PPM1L: variants seen among roughly 807,000 people sequenced by gnomAD.
The protein encoded by PPM1L is protein phosphatase 1L.
In PPM1L, 13 loss-of-function variants were observed where a neutral mutation model predicts 31.4. The observed-to-expected ratio is 0.41, with a 90% CI of 0.27 to 0.66. The LOEUF is 0.66. PPM1L is among the 30% of genes least tolerant of loss of function. The pLI, the probability that PPM1L is intolerant of heterozygous loss-of-function variation, is 0.29. For missense variants in PPM1L, 326 were observed against 453.7 expected (o/e 0.72, Z 2.56); for synonymous variants, 184 against 175.4 (o/e 1.05, Z -0.39).
At chr3:161,059,244 A>G (rs1202866017) in intron 2 of PPM1L, among the ~76,000 whole-genome samples, 22 of 152,138 alleles carry the variant, frequency 1.4e-4, no homozygotes, top group Non-Finnish European at 1.5e-5. Flanking sequence ...TGGAAGCCCT[A>G]CCCATATGTT....
At chr3:160,944,821 T>C (rs1158675607) in intron 1 of PPM1L, among the ~76,000 whole-genome samples, 3 of 54,792 alleles carry the variant, frequency 5.5e-5, no homozygotes, top group African/African-American at 1.7e-4. Flanking sequence ...CATATATATG[T>C]TATATATAAC....
At chr3:161,002,233 A>T (rs1371611415) in intron 2 of PPM1L, among the ~76,000 whole-genome samples, 5 of 152,142 alleles carry the variant, frequency 3.3e-5, no homozygotes, top group African/African-American at 1.2e-4. Flanking sequence ...AATCCAGTCT[A>T]TCATTGTTGG....
At position 160,957,398 on chromosome 3, in the gene PPM1L, T is replaced by C. The variant is rs1403215724; in HGVS notation, c.400-4338T>C. On this transcript the variant is annotated intron_variant, in intron 1 of 3. Coordinates refer to ENST00000498165, the MANE Select transcript of PPM1L (RefSeq NM_139245.4). ...TGTGTCTTTATAATAAAATGATTTC[T>C]ATTCCTTTGGGTATATACCCAGTAA... Among the ~76,000 whole-genome samples the C allele has an allele frequency of 3.3e-5, 5 of 152,332 alleles. No individual in the cohort carries two copies. The East Asian group carries it at 9.6e-4, about 29-fold the overall frequency.
intron 2 of PPM1L, among the ~76,000 whole-genome samples, chr3:161,040,887 C>T (rs1433837524): frequency 1.3e-5 from 2 of 152,084 alleles, no homozygotes; most frequent in Non-Finnish European, 2.9e-5. Context: ...GTTTATTTGC[C>T]GTATCTTGAA....
At chr3:160,991,562 T>G (rs546285175) in intron 2 of PPM1L, among the ~76,000 whole-genome samples, 8 of 152,288 alleles carry the variant, frequency 5.3e-5, no homozygotes, top group Admixed American at 3.3e-4. Flanking sequence ...TGTAACTACT[T>G]GATGAAATTT....
At chr3:160,889,197 A>G (rs1576692673) in intron 1 of PPM1L, among the ~76,000 whole-genome samples, 2 of 152,188 alleles carry the variant, frequency 1.3e-5, no homozygotes, top group African/African-American at 2.4e-5. Flanking sequence ...TTCTCCAAAA[A>G]TAATCAATGA....
intron 1 of PPM1L, among the ~76,000 whole-genome samples, chr3:160,929,883 C>A (rs747125843): frequency 6.6e-6 from 1 of 152,206 alleles, no homozygotes; most frequent in Non-Finnish European, 1.5e-5. Context: ...ACCTCTCCTT[C>A]AGCTTCTGCT....
intron 1 of PPM1L, among the ~76,000 whole-genome samples, chr3:160,799,501 T>G (rs1485169498): frequency 2.6e-5 from 4 of 152,236 alleles, no homozygotes; most frequent in Non-Finnish European, 5.9e-5. Context: ...TTATTAGACA[T>G]AATGCTATTG....
chr3:160,876,476 A>G (rs1354863069), intron 1 of PPM1L, among the ~76,000 whole-genome samples: 2 of 152,326 alleles, frequency 1.3e-5, no homozygotes, highest in Admixed American at 1.3e-4. Context: ...CTTCATCAGC[A>G]TAGATAATTT....
At chr3:161,016,488 A>C (rs1485807331) in intron 2 of PPM1L, among the ~76,000 whole-genome samples, 2 of 152,208 alleles carry the variant, frequency 1.3e-5, no homozygotes, top group East Asian at 3.9e-4. Context: ...TGAAGAAGGA[A>C]CAGGTTGAAG....
In PPM1L at chr3:160,756,441, G is replaced by A. The variant is rs766926661; in HGVS notation, c.133G>A (p.Val45Met). 4 of 1,614,228 alleles carry A rather than the reference G, an allele frequency of 2.5e-6. No homozygotes were observed. The highest frequency in any genetic ancestry group is 4.5e-5 in the East Asian group (2 of 44,886). Residue 45 changes from valine (V) to methionine (M), a missense_variant, in exon 1 of 4, where the codon GTG becomes ATG. Physicochemically the swap from Val to Met is conservative, Grantham distance 21. Transcript: ENST00000498165. This position sits in a 1 kb window ranked among gnomAD's most constrained non-coding sequence, Gnocchi z 6.2. ...GAGTTACTTCTTCCACACCGACGAG[G>A]TGAAGACCATCGTGAAGTCCAGCCG... ...LWSYFFHTDE[V>M]KTIVKSSRDA... is the part of the protein sequence containing the mutation.
intron 1 of PPM1L, among the ~76,000 whole-genome samples, chr3:160,890,556 A>G (rs1560140552): frequency 6.6e-6 from 1 of 152,234 alleles, no homozygotes; most frequent in African/African-American, 2.4e-5. Context: ...TAGTGCCCAA[A>G]GTAATTCATA....
In PPM1L at chr3:161,073,570, C is replaced by CT. The variant is rs368832483; in HGVS notation, c.*4424dup. 0.054 allele frequency: 7,868 copies of CT among 146,682 alleles called. 267 individuals carry two copies. The highest frequency in any genetic ancestry group is 0.12 in the South Asian group (550 of 4,576). 9.1% of individuals were successfully genotyped at this position (146,682 alleles called of 1,614,324 possible). Reference sequence around the variant, plus strand: ...TTAAAGCTCTAAACATCATCCCCCCCTTTTTTTTTTTAACGGAATCTCGCT... The same window carrying CT: ...TTAAAGCTCTAAACATCATCCCCCCCTTTTTTTTTTTTAACGGAATCTCGCT... On this transcript the variant is annotated 3_prime_UTR_variant, in exon 4 of 4. Transcript: ENST00000498165.
rs538958429 is a variant in PPM1L at position 161,069,962 on chromosome 3, G to A, written c.*805G>A. 6.6e-6 allele frequency: 1 copy of A among 152,030 alleles called. No homozygotes were observed. The highest frequency in any genetic ancestry group is 6.6e-5 in the Admixed American group (1 of 15,254). 9.4% of individuals were successfully genotyped at this position (152,030 alleles called of 1,614,324 possible). A position where few individuals can be genotyped will look rare whatever the true frequency, so the allele number is the denominator to read the frequency against. On this transcript the variant is annotated 3_prime_UTR_variant, in exon 4 of 4. Coordinates refer to ENST00000498165, the MANE Select transcript of PPM1L (RefSeq NM_139245.4). Reference sequence around the variant, plus strand: ...CAGATACCCTGATTTTTCATCTTACGTGACCAAGAAACCACGTTAGGGGAA... The same window carrying A: ...CAGATACCCTGATTTTTCATCTTACATGACCAAGAAACCACGTTAGGGGAA...
intron 1 of PPM1L, among the ~76,000 whole-genome samples, chr3:160,813,840 T>G (rs4390979): frequency 0.091 from 13,897 of 152,102 alleles, 954 homozygotes; most frequent in African/African-American, 0.19. Context: ...AGAAGTGAAG[T>G]TGGTACATTT....
intron 1 of PPM1L, among the ~76,000 whole-genome samples, chr3:160,948,631 A>G (rs933340750): frequency 2.0e-5 from 3 of 152,178 alleles, no homozygotes; most frequent in Non-Finnish European, 4.4e-5. Flanking sequence ...CCCTTGCATT[A>G]GAAGTACACA....
At chr3:160,887,613 C>T (rs1712962143) in intron 1 of PPM1L, among the ~76,000 whole-genome samples, 1 of 148,448 alleles carries the variant, frequency 6.7e-6, no homozygotes, top group South Asian at 2.1e-4. Context: ...TGGAGTCTCG[C>T]TCTGTCACCC....
intron 1 of PPM1L, among the ~76,000 whole-genome samples, chr3:160,810,114 C>T (rs1712765448): frequency 6.6e-6 from 1 of 151,810 alleles, no homozygotes; most frequent in African/African-American, 2.4e-5. Flanking sequence ...TATTACTATG[C>T]CCTTCATATA....
intron 1 of PPM1L, among the ~76,000 whole-genome samples, chr3:160,944,428 G>A (rs1036731683): frequency 2.0e-5 from 3 of 151,352 alleles, no homozygotes; most frequent in East Asian, 3.9e-4. Flanking sequence ...TAAAGCAGCT[G>A]CCCTTTATAA....
Sources: allele counts gnomAD v4.1 joint callset (sites outside exome capture counted in the v4.1 genomes callset), GRCh38; gene constraint gnomAD v4.1.1; non-coding constraint Gnocchi (gnomAD v3.1); transcripts MANE v1.5; gene names NCBI Gene and HGNC (gene_info 2026-07-23, HGNC 2026-07-21).